Variants in BATF observed in about 807,000 individuals in gnomAD.
BATF encodes basic leucine zipper ATF-like transcription factor, also known as basic leucine zipper transcriptional factor ATF-like.
A neutral mutation model predicts 13.7 loss-of-function variants in BATF; 5 were observed. The observed-to-expected ratio is 0.36, with a 90% CI of 0.19 to 0.77. BATF has a LOEUF of 0.77. Among genes scored for constraint, BATF ranks in the 30% least tolerant of loss-of-function variants. The pLI is 0.51. For missense variants in BATF, 124 were observed against 163.0 expected (o/e 0.76, Z 1.30); for synonymous variants, 72 against 67.5 (o/e 1.07, Z -0.33).
chr14:75,538,906 AC>A (rs1264066535), intron 2 of BATF, among the ~76,000 whole-genome samples: 1 of 151,932 alleles, frequency 6.6e-6, no homozygotes, highest in African/African-American at 2.4e-5. Flanking sequence ...GTCTCAAAAA[AC>A]AAACAAACAA....
chr14:75,533,322 G>C (rs1175599906), intron 2 of BATF, among the ~76,000 whole-genome samples: 1 of 151,858 alleles, frequency 6.6e-6, no homozygotes, highest in Non-Finnish European at 1.5e-5. Context: ...CAGCTACTCG[G>C]GAGGATGAGG....
At chr14:75,541,234 T>C (rs534481389) in intron 2 of BATF, among the ~76,000 whole-genome samples, 11 of 152,330 alleles carry the variant, frequency 7.2e-5, no homozygotes, top group Non-Finnish European at 1.5e-4. Flanking sequence ...TCAGGATTGC[T>C]AAAGCTCCCC....
intron 2 of BATF, among the ~76,000 whole-genome samples, chr14:75,538,190 C>T (rs542207551): frequency 6.6e-6 from 1 of 152,264 alleles, no homozygotes; most frequent in African/African-American, 2.4e-5. Context: ...AACTTCCGGG[C>T]TCAAATGACC....
intron 2 of BATF, among the ~76,000 whole-genome samples, chr14:75,539,424 A>ATTTTTTTTTTTTTTTTTTT (rs1162218076): frequency 6.8e-5 from 4 of 58,544 alleles, no homozygotes; most frequent in South Asian, 9.2e-4. Flanking sequence ...GTAAGCTGGA[A>ATTTTTTTTTTTTTTTTTTT]TTTTTTTTTT....
At chr14:75,525,492 G>A (rs752968329) in intron 2 of BATF, among the ~76,000 whole-genome samples, 9 of 151,836 alleles carry the variant, frequency 5.9e-5, no homozygotes, top group Non-Finnish European at 1.0e-4. Context: ...GTGAAACCTC[G>A]TCTCTACTAA....
At chr14:75,540,931 CA>C (rs903757477) in intron 2 of BATF, among the ~76,000 whole-genome samples, 2 of 152,062 alleles carry the variant, frequency 1.3e-5, no homozygotes, top group African/African-American at 4.8e-5. Context: ...ACTAGAAATA[CA>C]AAAAGTTAGC....
In BATF at chr14:75,534,397, T is replaced by C. The variant is rs1887788766; in HGVS notation, c.168+9209T>C. Among the ~76,000 whole-genome samples, 6 of 152,234 alleles carry C rather than the reference T, an allele frequency of 3.9e-5. No homozygotes were observed. In the South Asian group the frequency reaches 1.2e-3, roughly 32 times the overall value. On this transcript the variant is annotated intron_variant, in intron 2 of 2. Transcript: ENST00000286639. ...TTCTCAACCCCAGTGGAACTGATAC[T>C]TCGAGTCCGATAATTCTTTGTTGTT...
At chr14:75,538,647 A>T (rs1887852168) in intron 2 of BATF, among the ~76,000 whole-genome samples, 1 of 152,252 alleles carries the variant, frequency 6.6e-6, no homozygotes, top group African/African-American at 2.4e-5. Flanking sequence ...CACGCCTGTA[A>T]TCCCAACACT....
intron 2 of BATF, among the ~76,000 whole-genome samples, chr14:75,545,798 G>A (rs1887975337): frequency 6.6e-6 from 1 of 151,888 alleles, no homozygotes; most frequent in Non-Finnish European, 1.5e-5. Context: ...ACCCCTACAT[G>A]CATACACGCA....
intron 2 of BATF, among the ~76,000 whole-genome samples, chr14:75,539,019 C>T (rs1887858225): frequency 1.3e-5 from 2 of 152,188 alleles, no homozygotes; most frequent in South Asian, 2.1e-4. Flanking sequence ...CTTTGTAACT[C>T]GAAGCATCAG....
intron 2 of BATF, among the ~76,000 whole-genome samples, chr14:75,527,254 C>A (rs965614731): frequency 3.9e-5 from 6 of 152,234 alleles, no homozygotes; most frequent in Admixed American, 1.3e-4. Flanking sequence ...AAATTATACA[C>A]ACATTTTATA....
At chr14:75,543,975 C>T (rs1359719268) in intron 2 of BATF, among the ~76,000 whole-genome samples, 1 of 152,154 alleles carries the variant, frequency 6.6e-6, no homozygotes, top group Non-Finnish European at 1.5e-5. Context: ...CTTACATCTG[C>T]TCACCACCCA....
chr14:75,534,039 A>G (rs911137028), intron 2 of BATF, among the ~76,000 whole-genome samples: 2 of 152,230 alleles, frequency 1.3e-5, no homozygotes, highest in African/African-American at 4.8e-5. Flanking sequence ...GCTCCAGAAC[A>G]TACGGCTATA....
Position 75,546,716 on chromosome 14 carries a change from C to T in BATF, c.*45C>T. Reference sequence around the variant, plus strand: ...CAGAGCCTCGGGAGGGGCACACAGACTGTGGCAGAGCTGCGCCCATCCCGC... The same window carrying T: ...CAGAGCCTCGGGAGGGGCACACAGATTGTGGCAGAGCTGCGCCCATCCCGC... On this transcript the variant is annotated 3_prime_UTR_variant, in exon 3 of 3. Transcript: ENST00000286639. 1 of 1,511,076 alleles carries T rather than the reference C, an allele frequency of 6.6e-7. No homozygotes were observed. The highest frequency in any genetic ancestry group is 8.9e-7 in the Non-Finnish European group (1 of 1,127,864). 93.6% of individuals were successfully genotyped at this position (1,511,076 alleles called of 1,614,324 possible).
At chr14:75,542,911 AC>A (rs1289682215) in intron 2 of BATF, among the ~76,000 whole-genome samples, 1 of 152,158 alleles carries the variant, frequency 6.6e-6, no homozygotes, top group Non-Finnish European at 1.5e-5. Context: ...GGGAGGAAGG[AC>A]CCGCTGTCAC....
At chr14:75,522,892 T>C in intron 1 of BATF, 147 bp downstream of exon 1, 3 of 919,412 alleles carry the variant, frequency 3.3e-6, no homozygotes, top group Non-Finnish European at 5.1e-6. Context: ...ACATGGAATT[T>C]GCTACTAAGC....
At position 75,534,080 on chromosome 14, in the gene BATF, T is replaced by C. The variant is rs117585362; in HGVS notation, c.168+8892T>C. Reference sequence around the variant, plus strand: ...GACCAGAAAGAGAGTGAGTCCAAACTTGACAGGGGCTGAAGTGTAAATGTT... The same window carrying C: ...GACCAGAAAGAGAGTGAGTCCAAACCTGACAGGGGCTGAAGTGTAAATGTT... On this transcript the variant is annotated intron_variant, in intron 2 of 2. Coordinates refer to ENST00000286639, the MANE Select transcript of BATF (RefSeq NM_006399.5). Among the ~76,000 whole-genome samples, 8 of 152,320 alleles carry C rather than the reference T, an allele frequency of 5.3e-5. No homozygotes were observed. In the East Asian group the frequency reaches 1.3e-3, roughly 26 times the overall value.
At chr14:75,524,704 A>G (rs1274894900) in intron 1 of BATF, among the ~76,000 whole-genome samples, 1 of 152,166 alleles carries the variant, frequency 6.6e-6, no homozygotes, top group Non-Finnish European at 1.5e-5. Context: ...AGCTAAAAGA[A>G]CAGCAAGAAG....
intron 2 of BATF, among the ~76,000 whole-genome samples, chr14:75,546,249 C>A (rs1887983853): frequency 6.6e-6 from 1 of 152,136 alleles, no homozygotes; most frequent in South Asian, 2.1e-4. Context: ...ACATGCACAC[C>A]CACCCATGTG....
Sources: allele counts gnomAD v4.1 joint callset (sites outside exome capture counted in the v4.1 genomes callset), GRCh38; gene constraint gnomAD v4.1.1; transcripts MANE v1.5; gene names NCBI Gene and HGNC (gene_info 2026-07-23, HGNC 2026-07-21).